Variants in SSH3 observed in about 807,000 individuals in gnomAD.
SSH3 encodes protein phosphatase Slingshot homolog 3.
Under a neutral mutation model 75.0 loss-of-function variants are expected in SSH3, and 67 were observed. The ratio of observed to expected loss-of-function variants is 0.89; its 90% CI spans 0.73 to 1.10. The LOEUF is 1.10. Among genes scored for constraint, SSH3 ranks in the 50% least tolerant of loss-of-function variants. SSH3 has a pLI of 0.00. For synonymous variants in SSH3, 318 were observed against 349.2 expected, an observed-to-expected ratio of 0.91 and a Z score of 1.00; for missense variants, 824 against 872.7, an observed-to-expected ratio of 0.94 and a Z score of 0.70.
In SSH3 at chr11:67,309,922, G is replaced by C. The variant is rs1427174089; in HGVS notation, c.1363G>C (p.Gly455Arg). 1 of 1,610,850 alleles carries C rather than the reference G, an allele frequency of 6.2e-7. No individual in the cohort carries two copies. Among genetic ancestry groups the C allele is most frequent in the Non-Finnish European group, 8.5e-7 (1 of 1,179,990 alleles). ...ELRPIARPNPGFLRQLQIYQG... is the reference protein window; with the variant it reads ...ELRPIARPNPRFLRQLQIYQG... ...CCGGCCCATCGCCCGCCCCAACCCT[G>C]GCTTCCTGCGCCAGCTGCAGATCTA... Residue 455 changes from glycine (G) to arginine (R), a missense_variant, in exon 12 of 14, where the codon GGC becomes CGC. Coordinates refer to ENST00000308127, the MANE Select transcript of SSH3 (RefSeq NM_017857.4).
chr11:67,310,397 T>C lies in SSH3; in HGVS notation c.1683+58T>C, dbSNP rs1192563107. On this transcript the variant is annotated intron_variant, in intron 13 of 13. Coordinates refer to ENST00000308127, the MANE Select transcript of SSH3 (RefSeq NM_017857.4). ...GGGGTGGGGGCCATAAGGAGGGAGA[T>C]GGGGAAAGACCAGGATGGGCGTTTG... 4.5e-6 allele frequency: 7 copies of C among 1,546,628 alleles called. No homozygotes were observed. In the East Asian group the frequency reaches 1.4e-4, roughly 30 times the overall value.
chr11:67,306,958 A>G lies in SSH3; in HGVS notation c.460A>G (p.Ser154Gly), dbSNP rs1337438521. 6.2e-7 allele frequency: 1 copy of G among 1,612,356 alleles called. No individual in the cohort carries two copies. The highest frequency in any genetic ancestry group is 8.5e-7 in the Non-Finnish European group (1 of 1,178,590). ...TVLLGVDFPDSSSPSCTLGLV... is the reference protein window; with the variant it reads ...TVLLGVDFPDGSSPSCTLGLV... The stretch of plus-strand genomic sequence containing the variant: ...CCTCCTGGGCGTGGATTTCCCTGAC[A>G]GCAGGTTCGAGCAGGGAGAGGAAAG... The change falls in exon 4 of 14, where the codon AGC becomes GGC. Residue 154 changes from serine to glycine, a missense_variant. Transcript: ENST00000308127.
chr11:67,312,360 T>C lies in SSH3; in HGVS notation c.*473T>C, dbSNP rs1861433257. On this transcript the variant is annotated 3_prime_UTR_variant, in exon 14 of 14. Transcript: ENST00000308127. ...CAGTGGCCCCCAAAGGCAGGCAGGA[T>C]CCTCAGGCCCCAGCCGCGGGAGGCT... 1 of 158,640 alleles carries C rather than the reference T, an allele frequency of 6.3e-6. No homozygotes were observed. Among genetic ancestry groups the C allele is most frequent in the South Asian group, 1.5e-4 (1 of 6,886 alleles). The allele number at this position is 158,640 out of a possible 1,614,324, so 9.8% of individuals were successfully genotyped here.
chr11:67,309,626 C>T (rs1861353847), intron 11 of SSH3, 83 bp downstream of exon 11: 1 of 1,576,010 alleles, frequency 6.3e-7, no homozygotes, highest in African/African-American at 1.3e-5. Flanking sequence ...CTGCCATCAG[C>T]TGTGCCATTC....
chr11:67,307,333 C>G lies in SSH3; in HGVS notation c.537-38C>G, dbSNP rs1209485685. On this transcript the variant is annotated intron_variant, in intron 5 of 13. Coordinates refer to ENST00000308127, the MANE Select transcript of SSH3 (RefSeq NM_017857.4). The surrounding 1 kb of genome is among the most constrained non-coding windows in gnomAD (Gnocchi z 4.2). ...AAAGGATGGGTTCTCTGTCGCAGAGCCTGGAGTCTGGCCTCACCTGTGCCT... is the reference window on the plus strand; with the variant it reads ...AAAGGATGGGTTCTCTGTCGCAGAGGCTGGAGTCTGGCCTCACCTGTGCCT... 3 of 1,612,486 alleles carry G rather than the reference C, an allele frequency of 1.9e-6. No homozygotes were observed. The highest frequency in any genetic ancestry group is 1.7e-5 in the Admixed American group (1 of 59,940).
chr11:67,311,910 C>T lies in SSH3; in HGVS notation c.*23C>T. On this transcript the variant is annotated 3_prime_UTR_variant, in exon 14 of 14. Coordinates refer to ENST00000308127, the MANE Select transcript of SSH3 (RefSeq NM_017857.4). Reference sequence around the variant, plus strand: ...TGAGCCCTCACACATGCCCACGCTCCCCTGACACTGAAGAGGATCCACAAC... The same window carrying T: ...TGAGCCCTCACACATGCCCACGCTCTCCTGACACTGAAGAGGATCCACAAC... 1 of 1,601,456 alleles carries T rather than the reference C, an allele frequency of 6.2e-7. No homozygotes were observed. The highest frequency in any genetic ancestry group is 2.3e-4 in the Middle Eastern group (1 of 4,408).
rs1861428670 is a variant in SSH3, at chr11:67,312,078, C to T, written c.*191C>T. ...GTCACTACAGCCTCACCTCCTACAG[C>T]CTTAAGTCCCAGGCCCATGTCTGCC... On this transcript the variant is annotated 3_prime_UTR_variant, in exon 14 of 14. Coordinates refer to ENST00000308127, the MANE Select transcript of SSH3 (RefSeq NM_017857.4). 1.3e-6 allele frequency: 1 copy of T among 743,374 alleles called. No individual in the cohort carries two copies. The highest frequency in any genetic ancestry group is 2.1e-6 in the Non-Finnish European group (1 of 471,754). 46.0% of individuals were successfully genotyped at this position (743,374 alleles called of 1,614,324 possible).
intron 3 of SSH3, among the ~76,000 whole-genome samples, chr11:67,305,791 C>T (rs1484492739): frequency 2.6e-5 from 4 of 152,078 alleles, no homozygotes; most frequent in Non-Finnish European, 2.9e-5. Flanking sequence ...GGAGCTGGAG[C>T]GCTCATGCTC....
At chr11:67,306,649 G>A (rs760516378) in intron 3 of SSH3, among the ~76,000 whole-genome samples, 189 bp from the exon 4 acceptor site, 9 of 152,152 alleles carry the variant, frequency 5.9e-5, no homozygotes, top group Non-Finnish European at 1.3e-4. Flanking sequence ...CAAAAAATGT[G>A]CAACCTATGT....
Position 67,307,181 on chromosome 11 carries a change from C to A in SSH3, c.536+68C>A. 1.3e-6 allele frequency: 2 copies of A among 1,593,924 alleles called. No homozygotes were observed. The highest frequency in any genetic ancestry group is 1.7e-6 in the Non-Finnish European group (2 of 1,170,740). On this transcript the variant is annotated intron_variant, in intron 5 of 13. Coordinates refer to ENST00000308127, the MANE Select transcript of SSH3 (RefSeq NM_017857.4). This position sits in a 1 kb window ranked among gnomAD's most constrained non-coding sequence, Gnocchi z 4.2. ...ACTGAGTGTGACGGATGTGACGGGG[C>A]CTGGGCACCAGGGTACAGTAGAACT...
chr11:67,309,590 C>A (rs2134783710), intron 11 of SSH3, 47 bp downstream of exon 11: 1 of 1,597,576 alleles, frequency 6.3e-7, no homozygotes, highest in Middle Eastern at 1.9e-4. Flanking sequence ...CTTCAAGCGG[C>A]CTCCGGTGCC....
chr11:67,304,195 C>T (rs761316441), intron 2 of SSH3, 40 bp downstream of exon 2: 1 of 1,490,278 alleles, frequency 6.7e-7, no homozygotes, highest in Non-Finnish European at 9.2e-7. Context: ...TCCGTCTGCC[C>T]CGGGCCTGGC....
At chr11:67,304,213 G>T in intron 2 of SSH3, 58 bp downstream of exon 2, 1 of 1,353,898 alleles carries the variant, frequency 7.4e-7, no homozygotes, top group Admixed American at 1.9e-5. Context: ...GGCCACGGCC[G>T]TCCTGGGCTC....
chr11:67,307,287 C>A lies in SSH3; in HGVS notation c.537-84C>A. ...TGAGCAAGGCACCTGACTCCTGGGTCTCGGCTTCCCGTATCCAGCAAAAGG... is the reference window on the plus strand; with the variant it reads ...TGAGCAAGGCACCTGACTCCTGGGTATCGGCTTCCCGTATCCAGCAAAAGG... On this transcript the variant is annotated intron_variant, in intron 5 of 13. Coordinates refer to ENST00000308127, the MANE Select transcript of SSH3 (RefSeq NM_017857.4). This position sits in a 1 kb window ranked among gnomAD's most constrained non-coding sequence, Gnocchi z 4.2. 1.3e-6 allele frequency: 2 copies of A among 1,583,934 alleles called. No individual in the cohort carries two copies. The highest frequency in any genetic ancestry group is 2.3e-5 in the South Asian group (2 of 87,996).
Position 67,308,996 on chromosome 11 carries a change from C to T in SSH3, c.1062-401C>T, listed in dbSNP as rs76227952. On this transcript the variant is annotated intron_variant, in intron 10 of 13. Coordinates refer to ENST00000308127, the MANE Select transcript of SSH3 (RefSeq NM_017857.4). This position sits in a 1 kb window ranked among gnomAD's most constrained non-coding sequence, Gnocchi z 4.9. ...GGGAAGAAGGAACTGCCCTTCTCCC[C>T]GTGGGGACCTGGCTGCCTGCTCTGA... 0.013 allele frequency among the ~76,000 whole-genome samples: 1,972 copies of T among 152,328 alleles called. 13 individuals carry two copies. The highest frequency in any genetic ancestry group is 0.02 in the Admixed American group (310 of 15,300).
At chr11:67,304,364 G>C (rs1316268312) in intron 2 of SSH3, among the ~76,000 whole-genome samples, 3 of 152,244 alleles carry the variant, frequency 2.0e-5, no homozygotes, top group African/African-American at 7.2e-5. Context: ...GGTCAGCTGG[G>C]GCTTCCTCAT....
rs746781008 is a variant in SSH3 at position 67,307,625 on chromosome 11, AC to A, written c.681del (p.Trp228GlyfsTer9). 8.6e-5 allele frequency: 138 copies of A among 1,613,078 alleles called. No individual in the cohort carries two copies. The highest frequency in any genetic ancestry group is 1.1e-4 in the Non-Finnish European group (131 of 1,179,950). On this transcript the variant is annotated frameshift_variant, in exon 7 of 14. Coordinates refer to ENST00000308127, the MANE Select transcript of SSH3 (RefSeq NM_017857.4). The surrounding 1 kb of genome is among the most constrained non-coding windows in gnomAD (Gnocchi z 4.2). ...SGLVPGGSAL[T>X]WASHYQERLN... ...CCTTGTACCGGGTGGCAGTGCCCTC[AC>A]CTGGGCCAGCCACTACCAGGAGAGA...
intron 3 of SSH3, among the ~76,000 whole-genome samples, chr11:67,305,748 G>A (rs1346238518): frequency 6.6e-6 from 1 of 152,132 alleles, no homozygotes; most frequent in Admixed American, 6.6e-5. Flanking sequence ...AGGGGAGGAG[G>A]ACTCCAGCCC....
At position 67,303,553 on chromosome 11, in the gene SSH3, G is replaced by C. The variant is rs1861124568; in HGVS notation, c.-73G>C. 6.9e-7 allele frequency: 1 copy of C among 1,450,574 alleles called. No individual in the cohort carries two copies. The highest frequency in any genetic ancestry group is 1.5e-5 in the African/African-American group (1 of 68,084). The allele number at this position is 1,450,574 out of a possible 1,614,324, so 89.9% of individuals were successfully genotyped here. On this transcript the variant is annotated 5_prime_UTR_variant, in exon 1 of 14. Transcript: ENST00000308127. ...CCGTCCGTCCTTCCTGGTCCTGCGG[G>C]TCCAGGACTGTCCGCGGGGTTGAGG...
Sources: allele counts gnomAD v4.1 joint callset (sites outside exome capture counted in the v4.1 genomes callset), GRCh38; gene constraint gnomAD v4.1.1; non-coding constraint Gnocchi (gnomAD v3.1); transcripts MANE v1.5; gene names NCBI Gene and HGNC (gene_info 2026-07-23, HGNC 2026-07-21).